Variants in LARGE1 observed in about 807,000 individuals in gnomAD.
LARGE1 encodes the protein xylosyl- and glucuronyltransferase LARGE1.
In LARGE1, 43 loss-of-function variants were observed where a neutral mutation model predicts 87.6. The observed-to-expected ratio is 0.49, with a 90% CI of 0.38 to 0.63. LARGE1 has a LOEUF of 0.63. Among genes scored for constraint, LARGE1 ranks in the 30% least tolerant of loss-of-function variants. The probability of loss-of-function intolerance (pLI) is 0.00; values close to 1 mark genes in which losing one functional copy is unlikely to be tolerated. For missense variants in LARGE1, 802 were observed against 1,000.2 expected (o/e 0.80, Z 2.67); for synonymous variants, 434 against 394.6 (o/e 1.10, Z -1.18).
chr22:33,113,705 T>C, the LARGE1 span, among the ~76,000 whole-genome samples: 1 of 152,172 alleles, frequency 6.6e-6, no homozygotes, highest in Non-Finnish European at 1.5e-5. Context: ...ACCCAACTGG[T>C]TGGGCTGACT....
chr22:33,371,386 A>G (rs1244021954), intron 9 of LARGE1, among the ~76,000 whole-genome samples: 1 of 152,230 alleles, frequency 6.6e-6, no homozygotes, highest in Non-Finnish European at 1.5e-5. Flanking sequence ...TTTCTGCTAC[A>G]TGTTTTAAAG....
intron 11 of LARGE1, among the ~76,000 whole-genome samples, chr22:33,167,815 AC>A (rs1922352636): frequency 6.6e-6 from 1 of 152,170 alleles, no homozygotes; most frequent in Non-Finnish European, 1.5e-5. Flanking sequence ...ACAAGAAGCA[AC>A]CTTACTCTGG....
intron 5 of LARGE1, among the ~76,000 whole-genome samples, chr22:33,580,655 T>C (rs904834926): frequency 6.6e-5 from 10 of 152,140 alleles, no homozygotes; most frequent in Admixed American, 1.3e-4. Flanking sequence ...ATATATACAA[T>C]GTAAGGGCAA....
intron 6 of LARGE1, among the ~76,000 whole-genome samples, chr22:33,560,433 T>A (rs953204613): frequency 3.3e-5 from 5 of 152,148 alleles, no homozygotes; most frequent in Non-Finnish European, 7.3e-5. Context: ...GGTGAGAATT[T>A]TACTCTGTGG....
At position 33,282,496 on chromosome 22, in the gene LARGE1, G is replaced by A. The variant is rs3827343; in HGVS notation, c.1877+706C>T. ...ATCACTACATGTAATGCTGCAGCCT[G>A]TCCCCAGGACATGGAACCTGTTTGC... On this transcript the variant is annotated intron_variant, in intron 13 of 14. Coordinates refer to ENST00000397394, the MANE Select transcript of LARGE1 (RefSeq NM_133642.5). Among the ~76,000 whole-genome samples the A allele has an allele frequency of 4.6e-5, 7 of 152,258 alleles. No homozygotes were observed. In the East Asian group the frequency reaches 1.4e-3, roughly 29 times the overall value.
In LARGE1 at chr22:33,337,833, G is replaced by A. The variant is rs372414744; in HGVS notation, c.1132-32C>T. ...GGGAGATAAGGAAGTGGTCAGGTATGGCAGGGGTGGGGTGGGGATCCCTCA... is the reference window on the plus strand; with the variant it reads ...GGGAGATAAGGAAGTGGTCAGGTATAGCAGGGGTGGGGTGGGGATCCCTCA... On this transcript the variant is annotated intron_variant, in intron 9 of 14. Transcript: ENST00000397394. The A allele has an allele frequency of 4.5e-5, 72 of 1,613,358 alleles. 1 individual carries two copies. Among genetic ancestry groups the A allele is most frequent in the Non-Finnish European group, 5.9e-5 (70 of 1,179,460 alleles).
intron 1 of LARGE1, among the ~76,000 whole-genome samples, chr22:33,785,074 TATAC>T (rs1184498809): frequency 6.0e-5 from 8 of 134,234 alleles, no homozygotes; most frequent in East Asian, 2.4e-4. Context: ...GATATATGTG[TATAC>T]ATACATATGT....
chr22:33,514,274 A>C (rs1436456918), intron 6 of LARGE1, among the ~76,000 whole-genome samples: 2 of 63,366 alleles, frequency 3.2e-5, no homozygotes, highest in African/African-American at 5.9e-5. Flanking sequence ...CGGCTAGTCT[A>C]TGTGTGTCCA....
At position 33,438,639 on chromosome 22, in the gene LARGE1, C is replaced by T. The variant is rs531366706; in HGVS notation, c.788-6374G>A. On this transcript the variant is annotated intron_variant, in intron 6 of 14. Transcript: ENST00000397394. ...GGCTCAAGGCCCGGCTCCTGCTGCTCGGGAGGTGAGAACCAAGGAGCAGAG... is the reference window on the plus strand; with the variant it reads ...GGCTCAAGGCCCGGCTCCTGCTGCTTGGGAGGTGAGAACCAAGGAGCAGAG... 1.1e-4 allele frequency among the ~76,000 whole-genome samples: 16 copies of T among 152,200 alleles called. No homozygotes were observed. In the East Asian group the frequency reaches 1.6e-3, roughly 15 times the overall value.
rs73403304 is a variant in LARGE1, at chr22:33,347,569, C to T, written c.1132-9768G>A. Among the ~76,000 whole-genome samples the T allele has an allele frequency of 4.0e-3, 605 of 152,232 alleles. 5 individuals carry two copies. Among genetic ancestry groups the T allele is most frequent in the African/African-American group, 0.013 (537 of 41,538 alleles). On this transcript the variant is annotated intron_variant, in intron 9 of 14. Transcript: ENST00000397394. ...TTTTTCTTGAAGGAGTTTAAGCTCC[C>T]GCTGTTATCCCCTTGTTTGGATTTT...
At chr22:33,518,303 C>G (rs574143077) in intron 6 of LARGE1, among the ~76,000 whole-genome samples, 35 of 152,322 alleles carry the variant, frequency 2.3e-4, no homozygotes, top group Non-Finnish European at 4.1e-4. Context: ...AGGTCACACG[C>G]CAGCAAATGG....
chr22:33,539,879 C>T (rs887278336), intron 6 of LARGE1, among the ~76,000 whole-genome samples: 9 of 151,990 alleles, frequency 5.9e-5, no homozygotes, highest in African/African-American at 1.5e-4. Context: ...TGCACCCGGC[C>T]CTCTAATCTC....
At chr22:33,591,517 T>C (rs1428931010) in intron 5 of LARGE1, among the ~76,000 whole-genome samples, 2 of 152,220 alleles carry the variant, frequency 1.3e-5, no homozygotes, top group Non-Finnish European at 2.9e-5. Context: ...TTTCTTATTA[T>C]TGGTGTAAGA....
At chr22:33,239,789 G>A (rs978698296) in intron 11 of LARGE1, among the ~76,000 whole-genome samples, 4 of 151,754 alleles carry the variant, frequency 2.6e-5, no homozygotes, top group South Asian at 4.2e-4. Context: ...CGCCCACCTC[G>A]GCCTCCCAAA....
At chr22:33,587,246 A>G (rs1051023141) in intron 5 of LARGE1, among the ~76,000 whole-genome samples, 1 of 152,226 alleles carries the variant, frequency 6.6e-6, no homozygotes, top group Non-Finnish European at 1.5e-5. Context: ...AAACAATACC[A>G]TGATGAAAAT....
At chr22:33,829,005 T>A (rs547115995) in intron 1 of LARGE1, among the ~76,000 whole-genome samples, 5 of 112,860 alleles carry the variant, frequency 4.4e-5, no homozygotes, top group African/African-American at 1.5e-4. Flanking sequence ...AGTCTCTTTT[T>A]CTTTTTTTTT....
intron 12 of LARGE1, among the ~76,000 whole-genome samples, chr22:33,295,875 C>A (rs1394754309): frequency 1.3e-5 from 2 of 152,178 alleles, no homozygotes; most frequent in South Asian, 2.1e-4. Context: ...TCCGGTGATT[C>A]CTTAATGGGT....
chr22:33,673,688 C>T (rs1195645062), intron 2 of LARGE1, among the ~76,000 whole-genome samples: 1 of 152,030 alleles, frequency 6.6e-6, no homozygotes, highest in Non-Finnish European at 1.5e-5. Flanking sequence ...AAAAACTCCC[C>T]ATTCTTTTTT....
the LARGE1 span, among the ~76,000 whole-genome samples, chr22:33,133,012 G>T: frequency 8.5e-5 from 13 of 152,200 alleles, no homozygotes; most frequent in African/African-American, 3.1e-4. Context: ...GGCCATTGAA[G>T]AAATTAGGCC....
Sources: gnomAD v4.1 joint callset for allele counts (sites outside exome capture counted in the v4.1 genomes callset) on GRCh38, gnomAD v4.1.1 for gene constraint, MANE v1.5 for transcripts, NCBI Gene and HGNC (gene_info 2026-07-23, HGNC 2026-07-21) for gene names.